FAM163A: variants seen among roughly 807,000 people sequenced by gnomAD.
FAM163A encodes the protein family with sequence similarity 163 member A.
Under a neutral mutation model 12.0 loss-of-function variants are expected in FAM163A, and 7 were observed. The observed-to-expected ratio is 0.58, with a 90% CI of 0.33 to 1.10. The LOEUF (loss-of-function observed/expected upper bound fraction) is 1.10. Ranked by LOEUF, FAM163A falls within the 50% of genes least tolerant of loss-of-function variation. The pLI is 0.03. For synonymous variants in FAM163A, 101 were observed against 91.0 expected (o/e 1.11, Z -0.62); for missense variants, 202 against 218.6 (o/e 0.92, Z 0.48).
upstream of FAM163A, among the ~76,000 whole-genome samples, chr1:179,740,235 G>A (rs61826446): frequency 0.026 from 3,919 of 152,252 alleles, 62 homozygotes; most frequent in Middle Eastern, 0.075. Context: ...CTGAAGTGCG[G>A]TGGTTCAATC....
At chr1:179,760,372 C>A (rs577917284) in intron 1 of FAM163A, among the ~76,000 whole-genome samples, 1 of 152,188 alleles carries the variant, frequency 6.6e-6, no homozygotes, top group South Asian at 2.1e-4. Flanking sequence ...CAAATGATAA[C>A]CAAGTATAGA....
upstream of FAM163A, chr1:179,742,565 C>T (rs1683775799): frequency 2.0e-5 from 3 of 152,246 alleles, no homozygotes. Flanking sequence ...GACAGCTTAT[C>T]CCCTCTCAGG....
chr1:179,738,971 A>T (rs187794016), upstream of FAM163A, among the ~76,000 whole-genome samples: 31 of 152,318 alleles, frequency 2.0e-4, no homozygotes, highest in Admixed American at 9.2e-4. Context: ...AGGGATAGAC[A>T]CATAGATCAA....
At chr1:179,753,144 A>G (rs1171230863) in intron 1 of FAM163A, among the ~76,000 whole-genome samples, 2 of 152,206 alleles carry the variant, frequency 1.3e-5, no homozygotes, top group African/African-American at 4.8e-5. Context: ...TTTAAAAAGA[A>G]GGAATTCCTG....
At chr1:179,755,690 A>G (rs12408882) in intron 1 of FAM163A, among the ~76,000 whole-genome samples, 36,208 of 152,138 alleles carry the variant, frequency 0.24, 4,969 homozygotes, top group East Asian at 0.63. Flanking sequence ...CTTATTTCCC[A>G]GGGGAAGCAA....
At chr1:179,809,792 G>A (rs1042284931) in intron 2 of FAM163A, among the ~76,000 whole-genome samples, 4 of 152,156 alleles carry the variant, frequency 2.6e-5, no homozygotes, top group South Asian at 2.1e-4. Flanking sequence ...AGCCCTCAGC[G>A]ACGAATATGC....
intron 1 of FAM163A, among the ~76,000 whole-genome samples, chr1:179,779,082 G>A (rs1689373554): frequency 6.6e-6 from 1 of 152,206 alleles, no homozygotes; most frequent in South Asian, 2.1e-4. Context: ...AATGCTCTCA[G>A]TGTACATTCA....
intron 2 of FAM163A, among the ~76,000 whole-genome samples, chr1:179,810,207 C>T (rs1297661833): frequency 6.6e-6 from 1 of 152,162 alleles, no homozygotes; most frequent in South Asian, 2.1e-4. Context: ...AGTTGACTCT[C>T]ATCCCACCAA....
intron 4 of FAM163A, among the ~76,000 whole-genome samples, chr1:179,813,501 G>A (rs888465492): frequency 6.6e-6 from 1 of 152,200 alleles, no homozygotes; most frequent in Admixed American, 6.5e-5. Context: ...GAAAGCTGCC[G>A]CCAGCAGCTC....
chr1:179,744,292 C>T (rs532759519), intron 1 of FAM163A, among the ~76,000 whole-genome samples: 1 of 152,148 alleles, frequency 6.6e-6, no homozygotes, highest in South Asian at 2.1e-4. Context: ...AAGGCGCCGG[C>T]CACACGGAAG....
intron 2 of FAM163A, 65 bp from the exon 3 acceptor site, chr1:179,812,045 T>C (rs1694771267): frequency 6.6e-6 from 1 of 152,600 alleles, no homozygotes; most frequent in African/African-American, 2.4e-5. Flanking sequence ...CATCTAACCC[T>C]TCTGGCCTTT....
chr1:179,758,780 C>T (rs1317784852), intron 1 of FAM163A, among the ~76,000 whole-genome samples: 2 of 152,220 alleles, frequency 1.3e-5, no homozygotes, highest in African/African-American at 4.8e-5. Flanking sequence ...CTTGAATCCT[C>T]CACCCCTGGG....
chr1:179,767,273 G>C (rs1687637669), intron 1 of FAM163A, among the ~76,000 whole-genome samples: 1 of 152,094 alleles, frequency 6.6e-6, no homozygotes, highest in African/African-American at 2.4e-5. Flanking sequence ...GCTCACTGTT[G>C]CCTGGCTTCC....
intron 1 of FAM163A, among the ~76,000 whole-genome samples, chr1:179,778,213 G>C (rs779800779): frequency 6.6e-6 from 1 of 152,112 alleles, no homozygotes; most frequent in Non-Finnish European, 1.5e-5. Flanking sequence ...AACTCTGAAC[G>C]TAGAACCCAG....
At chr1:179,810,449 A>G (rs916462318) in intron 2 of FAM163A, among the ~76,000 whole-genome samples, 1 of 152,182 alleles carries the variant, frequency 6.6e-6, no homozygotes, top group African/African-American at 2.4e-5. Flanking sequence ...CAGCCTCTGC[A>G]GCTGCATGCC....
the FAM163A span, among the ~76,000 whole-genome samples, chr1:179,734,602 G>C: frequency 6.6e-6 from 1 of 152,180 alleles, no homozygotes; most frequent in Non-Finnish European, 1.5e-5. Flanking sequence ...TCACGTGCTG[G>C]ATGGGACTAA....
At chr1:179,803,579 T>C (rs960414497) in intron 1 of FAM163A, among the ~76,000 whole-genome samples, 2 of 152,156 alleles carry the variant, frequency 1.3e-5, no homozygotes, top group Admixed American at 6.5e-5. Flanking sequence ...TTTTTATTTT[T>C]TATTTTAAGA....
chr1:179,744,110 G>C (rs1444572604), intron 1 of FAM163A, among the ~76,000 whole-genome samples: 1 of 152,306 alleles, frequency 6.6e-6, no homozygotes, highest in East Asian at 1.9e-4. Context: ...GCGCGGCGTG[G>C]GCATGCAGGC....
At chr1:179,808,139 G>T (rs942665639) in intron 2 of FAM163A, among the ~76,000 whole-genome samples, 7 of 152,236 alleles carry the variant, frequency 4.6e-5, no homozygotes, top group African/African-American at 1.7e-4. Flanking sequence ...GACACCTCAG[G>T]AGGCAGCTGG....
Sources: allele counts gnomAD v4.1 joint callset (sites outside exome capture counted in the v4.1 genomes callset), GRCh38; gene constraint gnomAD v4.1.1; transcripts MANE v1.5; gene names NCBI Gene and HGNC (gene_info 2026-07-23, HGNC 2026-07-21).